The following NOL4 variants were observed in gnomAD, a reference collection of about 807,000 sequenced individuals.
The protein encoded by NOL4 is nucleolar protein 4.
Under a neutral mutation model 75.9 loss-of-function variants are expected in NOL4, and 17 were observed. The observed-to-expected ratio is 0.22, with a 90% CI of 0.15 to 0.34. NOL4 has a LOEUF of 0.34. NOL4 is among the 10% of genes least tolerant of loss of function. NOL4 has a pLI of 1.00. For synonymous variants in NOL4, 292 were observed against 289.9 expected (o/e 1.01, Z -0.07); for missense variants, 614 against 793.5 (o/e 0.77, Z 2.72).
chr18:34,193,106 T>C (rs147030044), intron 1 of NOL4, among the ~76,000 whole-genome samples: 310 of 152,152 alleles, frequency 2.0e-3, no homozygotes, highest in African/African-American at 6.4e-3. Flanking sequence ...TATACAAAAA[T>C]TAACACAAAA....
At chr18:34,056,148 G>A (rs1885730328) in intron 5 of NOL4, among the ~76,000 whole-genome samples, 1 of 152,010 alleles carries the variant, frequency 6.6e-6, no homozygotes, top group Non-Finnish European at 1.5e-5. Context: ...CTATATCCAA[G>A]GTTTTGTTTT....
chr18:33,972,632 G>A (rs893276422), intron 6 of NOL4, among the ~76,000 whole-genome samples: 1 of 152,120 alleles, frequency 6.6e-6, no homozygotes, highest in Non-Finnish European at 1.5e-5. Flanking sequence ...GCATACATTG[G>A]AGATATTGCA....
chr18:33,907,067 T>C (rs1427043616), intron 9 of NOL4, among the ~76,000 whole-genome samples: 2 of 152,122 alleles, frequency 1.3e-5, no homozygotes, highest in East Asian at 1.9e-4. Context: ...CTCACGCCTG[T>C]AATCCCAGCA....
intron 1 of NOL4, among the ~76,000 whole-genome samples, chr18:34,195,826 TTCAG>T (rs78398260): frequency 0.029 from 4,445 of 152,192 alleles, 117 homozygotes; most frequent in Non-Finnish European, 0.039. Context: ...CTAGCATTGC[TTCAG>T]TAAGTTAAAA....
intron 6 of NOL4, among the ~76,000 whole-genome samples, chr18:34,007,920 G>A (rs2074130453): frequency 6.6e-6 from 1 of 151,956 alleles, no homozygotes; most frequent in African/African-American, 2.4e-5. Flanking sequence ...AATTTTCTGA[G>A]TCAACTAGAC....
chr18:33,976,556 G>A (rs1305396886), intron 6 of NOL4, among the ~76,000 whole-genome samples: 1 of 152,074 alleles, frequency 6.6e-6, no homozygotes, highest in Admixed American at 6.6e-5. Flanking sequence ...TGAAATAGTA[G>A]AAGGTAAAAA....
intron 9 of NOL4, among the ~76,000 whole-genome samples, chr18:33,908,642 C>T (rs1399051020): frequency 6.6e-6 from 1 of 152,090 alleles, no homozygotes; most frequent in Non-Finnish European, 1.5e-5. Flanking sequence ...GTATTTCAAG[C>T]ATATCAATTA....
chr18:34,057,283 T>A (rs2076870089), intron 5 of NOL4, among the ~76,000 whole-genome samples: 1 of 152,202 alleles, frequency 6.6e-6, no homozygotes, highest in Non-Finnish European at 1.5e-5. Flanking sequence ...TTCACACATG[T>A]GCATATGTAC....
chr18:34,188,461 A>G (rs2034660140), intron 1 of NOL4, among the ~76,000 whole-genome samples: 1 of 152,218 alleles, frequency 6.6e-6, no homozygotes, highest in African/African-American at 2.4e-5. Context: ...ATAGCAGACA[A>G]TACAGTATTT....
chr18:33,863,015 C>G (rs1402501018), intron 10 of NOL4, among the ~76,000 whole-genome samples: 2 of 152,140 alleles, frequency 1.3e-5, no homozygotes, highest in African/African-American at 2.4e-5. Context: ...AGACTTGGAA[C>G]CAAGCCAAAT....
At chr18:34,212,912 G>T (rs2036607437) in intron 1 of NOL4, among the ~76,000 whole-genome samples, 1 of 152,110 alleles carries the variant, frequency 6.6e-6, no homozygotes, top group Non-Finnish European at 1.5e-5. Context: ...AATACTCCCT[G>T]CTTTTAAAAG....
intron 6 of NOL4, among the ~76,000 whole-genome samples, chr18:33,996,832 C>A (rs1394610015): frequency 6.6e-6 from 1 of 151,814 alleles, no homozygotes; most frequent in Admixed American, 6.6e-5. Flanking sequence ...TGGCTTGATT[C>A]CATGTCTTTG....
intron 1 of NOL4, among the ~76,000 whole-genome samples, chr18:34,188,507 T>C (rs1315387657): frequency 6.6e-6 from 1 of 152,222 alleles, no homozygotes; most frequent in African/African-American, 2.4e-5. Context: ...CATCATAGCT[T>C]GGCCTAGCCT....
At chr18:33,963,697 G>A (rs760011267) in intron 6 of NOL4, among the ~76,000 whole-genome samples, 28 of 152,142 alleles carry the variant, frequency 1.8e-4, no homozygotes, top group Admixed American at 3.9e-4. Flanking sequence ...TATATACTTT[G>A]CTTATTCCTC....
At chr18:34,093,376 C>G in intron 5 of NOL4, 89 bp downstream of exon 5, 1 of 1,300,730 alleles carries the variant, frequency 7.7e-7, no homozygotes, top group Non-Finnish European at 1.0e-6. Flanking sequence ...AAAATTGACA[C>G]AAGAATTAAG....
intron 6 of NOL4, among the ~76,000 whole-genome samples, chr18:34,005,657 C>G (rs1463198676): frequency 2.6e-5 from 4 of 152,064 alleles, no homozygotes; most frequent in Admixed American, 2.6e-4. Context: ...CTTGCATCCT[C>G]AAACCATTCA....
At chr18:33,952,095 A>G (rs1325051025) in intron 8 of NOL4, among the ~76,000 whole-genome samples, 2 of 152,050 alleles carry the variant, frequency 1.3e-5, no homozygotes, top group African/African-American at 4.8e-5. Flanking sequence ...TTAGCTGAAT[A>G]TTTTTTAAAT....
At chr18:34,003,002 A>C (rs564239907) in intron 6 of NOL4, among the ~76,000 whole-genome samples, 1 of 152,222 alleles carries the variant, frequency 6.6e-6, no homozygotes, top group Admixed American at 6.5e-5. Flanking sequence ...TTTTTCAAAA[A>C]GAGGAGTGCC....
At chr18:34,192,686 C>T (rs2035009279) in intron 1 of NOL4, among the ~76,000 whole-genome samples, 1 of 152,170 alleles carries the variant, frequency 6.6e-6, no homozygotes, top group Non-Finnish European at 1.5e-5. Context: ...AGGCCCATAT[C>T]TCACACTGCT....
Sources: gnomAD v4.1 joint callset for allele counts (sites outside exome capture counted in the v4.1 genomes callset) on GRCh38, gnomAD v4.1.1 for gene constraint, MANE v1.5 for transcripts, NCBI Gene and HGNC (gene_info 2026-07-23, HGNC 2026-07-21) for gene names.